MYO1D: variants seen among roughly 807,000 people sequenced by gnomAD.
MYO1D encodes myosin ID.
A neutral mutation model predicts 122.0 loss-of-function variants in MYO1D; 83 were observed. The observed-to-expected ratio is 0.68, with a 90% CI of 0.57 to 0.82. MYO1D has a LOEUF of 0.82. Among genes scored for constraint, MYO1D ranks in the 40% least tolerant of loss-of-function variants. The pLI is 0.00. For missense variants in MYO1D, 1,157 were observed against 1,269.5 expected, an observed-to-expected ratio of 0.91 and a Z score of 1.35; for synonymous variants, 464 against 446.9, an observed-to-expected ratio of 1.04 and a Z score of -0.48.
intron 21 of MYO1D, among the ~76,000 whole-genome samples, chr17:32,555,007 T>C (rs920814856): frequency 6.6e-6 from 1 of 152,104 alleles, no homozygotes; most frequent in Non-Finnish European, 1.5e-5. Context: ...TTAAAAAATA[T>C]ACACTTTTTG....
At chr17:32,636,774 C>T (rs2088105361) in intron 20 of MYO1D, among the ~76,000 whole-genome samples, 1 of 152,226 alleles carries the variant, frequency 6.6e-6, no homozygotes, top group African/African-American at 2.4e-5. Flanking sequence ...CCACACTTAT[C>T]ACACAATGAG....
chr17:32,775,462 A>G (rs544201648), intron 4 of MYO1D, among the ~76,000 whole-genome samples: 53 of 152,374 alleles, frequency 3.5e-4, no homozygotes, highest in African/African-American at 1.3e-3. Flanking sequence ...ATATGTTACT[A>G]TAAAGCAATG....
chr17:32,861,608 AGT>A (rs1470365263), intron 1 of MYO1D, among the ~76,000 whole-genome samples: 3 of 152,190 alleles, frequency 2.0e-5, no homozygotes, highest in Admixed American at 1.3e-4. Flanking sequence ...CCTTCCGCAA[AGT>A]GTGGTCCCTG....
chr17:32,832,622 TA>T (rs1441882661), intron 1 of MYO1D, among the ~76,000 whole-genome samples: 2 of 152,072 alleles, frequency 1.3e-5, no homozygotes, highest in Admixed American at 1.3e-4. Flanking sequence ...TTGCATTTGT[TA>T]AAATTAACTT....
At position 32,868,622 on chromosome 17, in the gene MYO1D, C is replaced by T. The variant is rs138682743; in HGVS notation, c.95+8156G>A. Among the ~76,000 whole-genome samples the T allele has an allele frequency of 9.4e-4, 143 of 152,162 alleles. 1 individual carries two copies. The Middle Eastern group carries it at 0.027, about 29-fold the overall frequency. On this transcript the variant is annotated intron_variant, in intron 1 of 21. Transcript: ENST00000318217. ...GTCAGGGTAGGGAGGTGAGGCCATTCGGGAAGGATTCAGGAAGAGTTAGCA... is the reference window on the plus strand; with the variant it reads ...GTCAGGGTAGGGAGGTGAGGCCATTTGGGAAGGATTCAGGAAGAGTTAGCA...
intron 1 of MYO1D, among the ~76,000 whole-genome samples, chr17:32,868,954 A>C (rs375747117): frequency 2.6e-5 from 4 of 152,078 alleles, no homozygotes; most frequent in African/African-American, 9.7e-5. Context: ...CATGCCTGTA[A>C]TCTCAAAACT....
rs1048470300 is a variant in MYO1D, at chr17:32,681,215, T to C, written c.2122-21877A>G. ...TTCAAAAAACCAGCTCCTGGATTCA[T>C]TGATTTTTCGAAGGGTTTTTTATGT... On this transcript the variant is annotated intron_variant, in intron 16 of 21. Coordinates refer to ENST00000318217, the MANE Select transcript of MYO1D (RefSeq NM_015194.3). Among the ~76,000 whole-genome samples the C allele has an allele frequency of 1.4e-3, 207 of 152,134 alleles. 1 individual carries two copies. Among genetic ancestry groups the C allele is most frequent in the African/African-American group, 4.6e-3 (192 of 41,478 alleles).
intron 8 of MYO1D, among the ~76,000 whole-genome samples, chr17:32,762,612 G>T (rs2090012733): frequency 6.6e-6 from 1 of 152,144 alleles, no homozygotes; most frequent in South Asian, 2.1e-4. Flanking sequence ...AGTGGCTCAT[G>T]CCTGTAATCC....
At chr17:32,783,920 G>A (rs2090265882) in intron 1 of MYO1D, among the ~76,000 whole-genome samples, 1 of 152,186 alleles carries the variant, frequency 6.6e-6, no homozygotes, top group South Asian at 2.1e-4. Context: ...AACCTTTCAT[G>A]ACAAACTTTT....
intron 1 of MYO1D, among the ~76,000 whole-genome samples, chr17:32,848,203 A>T (rs147010951): frequency 1.2e-4 from 19 of 152,368 alleles, no homozygotes; most frequent in South Asian, 1.2e-3. Flanking sequence ...GGGCAATTGT[A>T]AAATCTAAAT....
At position 32,494,503 on chromosome 17, in the gene MYO1D, T is replaced by G. The variant is rs1404952983; in HGVS notation, c.*256A>C. 2.0e-6 allele frequency: 1 copy of G among 492,276 alleles called. No homozygotes were observed. The highest frequency in any genetic ancestry group is 3.6e-5 in the East Asian group (1 of 27,494). The allele number at this position is 492,276 out of a possible 1,614,324, so 30.5% of individuals were successfully genotyped here. A position where few individuals can be genotyped will look rare whatever the true frequency, so the allele number is the denominator to read the frequency against. On this transcript the variant is annotated 3_prime_UTR_variant, in exon 22 of 22. Coordinates refer to ENST00000318217, the MANE Select transcript of MYO1D (RefSeq NM_015194.3). ...CATCCAGTTGCCTCTGGGGTGAGATTGGTCTGGACGTCAGCCCAGGGGTCT... is the reference window on the plus strand; with the variant it reads ...CATCCAGTTGCCTCTGGGGTGAGATGGGTCTGGACGTCAGCCCAGGGGTCT...
At chr17:32,818,801 G>C (rs1207995741) in intron 1 of MYO1D, among the ~76,000 whole-genome samples, 1 of 152,196 alleles carries the variant, frequency 6.6e-6, no homozygotes, top group African/African-American at 2.4e-5. Context: ...GTATGCAATA[G>C]GATACCAGGG....
At chr17:32,625,104 T>A (rs550925309) in intron 20 of MYO1D, among the ~76,000 whole-genome samples, 2 of 152,320 alleles carry the variant, frequency 1.3e-5, no homozygotes, top group East Asian at 3.9e-4. Context: ...TTTTGTATCC[T>A]AATGGACCAT....
At chr17:32,818,840 G>A (rs1368631555) in intron 1 of MYO1D, among the ~76,000 whole-genome samples, 1 of 152,146 alleles carries the variant, frequency 6.6e-6, no homozygotes, top group East Asian at 1.9e-4. Flanking sequence ...TAATGGGCCT[G>A]GAAAATTCCT....
At chr17:32,836,646 A>C (rs1005207707) in intron 1 of MYO1D, among the ~76,000 whole-genome samples, 1 of 152,092 alleles carries the variant, frequency 6.6e-6, no homozygotes, top group South Asian at 2.1e-4. Context: ...TGTGTGTGTC[A>C]CTAATTTGTT....
At chr17:32,756,947 G>C (rs2089952803) in intron 10 of MYO1D, among the ~76,000 whole-genome samples, 1 of 152,110 alleles carries the variant, frequency 6.6e-6, no homozygotes, top group Non-Finnish European at 1.5e-5. Context: ...CACAAAGAAA[G>C]GCCAACTCAG....
At chr17:32,583,803 A>C (rs1052463534) in intron 21 of MYO1D, among the ~76,000 whole-genome samples, 1 of 151,802 alleles carries the variant, frequency 6.6e-6, no homozygotes, top group African/African-American at 2.4e-5. Flanking sequence ...GCAGTGGCAC[A>C]ATCAGGGCTC....
At chr17:32,612,282 T>C (rs2087711081) in intron 20 of MYO1D, among the ~76,000 whole-genome samples, 1 of 152,156 alleles carries the variant, frequency 6.6e-6, no homozygotes, top group Non-Finnish European at 1.5e-5. Context: ...AGCTGGTTCT[T>C]TGAACAGACC....
At chr17:32,549,002 C>T (rs368930318) in intron 21 of MYO1D, among the ~76,000 whole-genome samples, 50 of 152,204 alleles carry the variant, frequency 3.3e-4, no homozygotes, top group African/African-American at 1.0e-3. Context: ...CGTGAGCCAC[C>T]GCGCCTGGCC....
Sources: allele counts gnomAD v4.1 joint callset (sites outside exome capture counted in the v4.1 genomes callset), GRCh38; gene constraint gnomAD v4.1.1; transcripts MANE v1.5; gene names NCBI Gene and HGNC (gene_info 2026-07-23, HGNC 2026-07-21).